Variants in GRIP1 observed in about 807,000 individuals in gnomAD.
GRIP1 encodes glutamate receptor interacting protein 1.
A neutral mutation model predicts 129.9 loss-of-function variants in GRIP1; 45 were observed. The ratio of observed to expected loss-of-function variants is 0.35; its 90% CI spans 0.27 to 0.44. GRIP1 has a LOEUF of 0.44. Ranked by LOEUF, GRIP1 falls within the 20% of genes least tolerant of loss-of-function variation. The pLI, the probability that GRIP1 is intolerant of heterozygous loss-of-function variation, is 1.00. For missense variants in GRIP1, 1,196 were observed against 1,396.8 expected, an observed-to-expected ratio of 0.86 and a Z score of 2.29; for synonymous variants, 530 against 520.8, an observed-to-expected ratio of 1.02 and a Z score of -0.24.
chr12:66,499,222 TC>T (rs1202139960), intron 7 of GRIP1, among the ~76,000 whole-genome samples: 2 of 152,210 alleles, frequency 1.3e-5, no homozygotes, highest in African/African-American at 4.8e-5. Flanking sequence ...TGTGGATTCT[TC>T]CATTCATCAA....
chr12:67,009,207 T>C (rs1252511479), intron 1 of GRIP1, among the ~76,000 whole-genome samples: 1 of 152,074 alleles, frequency 6.6e-6, no homozygotes, highest in Non-Finnish European at 1.5e-5. Context: ...CCCCTGGGAA[T>C]CAAGCAAAAA....
chr12:66,953,308 G>C (rs1197603768), intron 1 of GRIP1, among the ~76,000 whole-genome samples: 1 of 152,166 alleles, frequency 6.6e-6, no homozygotes, highest in Admixed American at 6.5e-5. Flanking sequence ...AACAGCTGGA[G>C]AGGCCAGAGG....
intron 2 of GRIP1, among the ~76,000 whole-genome samples, chr12:66,577,486 C>T (rs550193979): frequency 6.6e-6 from 1 of 152,230 alleles, no homozygotes; most frequent in Non-Finnish European, 1.5e-5. Flanking sequence ...AGTAAGAGCA[C>T]TCCGAGTTCC....
intron 1 of GRIP1, among the ~76,000 whole-genome samples, chr12:66,953,471 C>G (rs540754803): frequency 6.6e-6 from 1 of 152,284 alleles, no homozygotes; most frequent in African/African-American, 2.4e-5. Context: ...CATTTTAAGA[C>G]AAGGAAACTA....
rs554041256 is a variant in GRIP1, at chr12:66,656,367, GGCTTTATTGCAAAATCTAAATATCT to G, written c.55+22458_55+22482del. ...CCATTTTAAAAAAAAACAGATCCTG[GGCTTTATTGCAAAATCTAAATATCT>G]GACAACACCTGGCTTGTACTTCAGC... On this transcript the variant is annotated intron_variant, in intron 1 of 24. Coordinates refer to ENST00000359742, the MANE Select transcript of GRIP1 (RefSeq NM_001366722.1). 2.4e-4 allele frequency among the ~76,000 whole-genome samples: 37 copies of G among 152,042 alleles called. No homozygotes were observed. The East Asian group carries it at 6.2e-3, about 25-fold the overall frequency.
chr12:66,637,035 G>A (rs908463182), intron 1 of GRIP1, among the ~76,000 whole-genome samples: 6 of 152,136 alleles, frequency 3.9e-5, no homozygotes, highest in Admixed American at 3.3e-4. Context: ...GTCCAGCACA[G>A]CTGCACTGGT....
At chr12:66,685,130 T>C (rs1165925314) in intron 1 of GRIP1, among the ~76,000 whole-genome samples, 3 of 152,132 alleles carry the variant, frequency 2.0e-5, no homozygotes, top group Non-Finnish European at 1.5e-5. Flanking sequence ...ACAGGAGTTT[T>C]CTCCTACAGA....
chr12:66,515,493 T>C (rs1037163113), intron 7 of GRIP1, 126 bp downstream of exon 7: 4 of 879,706 alleles, frequency 4.5e-6, no homozygotes, highest in Non-Finnish European at 7.7e-6. Context: ...TAAAATGATA[T>C]AGTATTTATG....
At chr12:66,649,930 G>T (rs529915495) in intron 1 of GRIP1, among the ~76,000 whole-genome samples, 2 of 152,304 alleles carry the variant, frequency 1.3e-5, no homozygotes, top group African/African-American at 4.8e-5. Context: ...GTGTTTTAGG[G>T]CTAGCTATTG....
At chr12:66,714,121 G>C (rs143982425) in intron 1 of GRIP1, among the ~76,000 whole-genome samples, 1 of 151,882 alleles carries the variant, frequency 6.6e-6, no homozygotes, top group Non-Finnish European at 1.5e-5. Context: ...CCACAACTTG[G>C]TATTCTAAAC....
At chr12:66,527,845 G>T (rs1210997909) in intron 5 of GRIP1, among the ~76,000 whole-genome samples, 1 of 151,912 alleles carries the variant, frequency 6.6e-6, no homozygotes, top group Non-Finnish European at 1.5e-5. Context: ...GGAGGATGAG[G>T]ATTGAAAAAC....
intron 1 of GRIP1, among the ~76,000 whole-genome samples, chr12:66,634,802 G>C (rs1243059319): frequency 6.6e-6 from 1 of 152,198 alleles, no homozygotes; most frequent in Non-Finnish European, 1.5e-5. Flanking sequence ...TAGAACCCCT[G>C]CCTACGGGGT....
At chr12:66,715,011 T>C (rs925722955) in intron 1 of GRIP1, among the ~76,000 whole-genome samples, 12 of 152,008 alleles carry the variant, frequency 7.9e-5, no homozygotes, top group African/African-American at 2.9e-4. Flanking sequence ...TTGTACTCCA[T>C]AACACTCTCT....
intron 1 of GRIP1, among the ~76,000 whole-genome samples, chr12:66,885,085 A>T (rs985481652): frequency 1.3e-5 from 2 of 152,200 alleles, no homozygotes; most frequent in Non-Finnish European, 2.9e-5. Context: ...CCATTTCTCC[A>T]ATTAGCCTGG....
rs551107932 is a variant in GRIP1, at chr12:66,628,918, C to T, written c.56-31991G>A. 2.0e-5 allele frequency among the ~76,000 whole-genome samples: 3 copies of T among 152,254 alleles called. No homozygotes were observed. In the East Asian group the frequency reaches 5.8e-4, roughly 29 times the overall value. ...TTTTACCCCACCAAACTATGAATTC[C>T]AAAAGGGCAGGGACTAAGTCTGTTT... is the stretch of plus-strand genomic sequence containing the variant. On this transcript the variant is annotated intron_variant, in intron 1 of 24. Coordinates refer to ENST00000359742, the MANE Select transcript of GRIP1 (RefSeq NM_001366722.1).
At chr12:67,010,458 C>T (rs1292155529) in intron 1 of GRIP1, among the ~76,000 whole-genome samples, 1 of 152,134 alleles carries the variant, frequency 6.6e-6, no homozygotes, top group Non-Finnish European at 1.5e-5. Context: ...AGAAAACACA[C>T]TAGTCCCTTT....
intron 1 of GRIP1, among the ~76,000 whole-genome samples, chr12:66,748,795 G>A (rs1345713831): frequency 2.6e-5 from 4 of 152,052 alleles, no homozygotes; most frequent in African/African-American, 4.8e-5. Flanking sequence ...CAGATTCAAT[G>A]TTCTAATTTG....
Position 66,349,133 on chromosome 12 carries a change from C to T in GRIP1, c.3273G>A (p.Lys1091=). Residue 1091 remains lysine (K), a synonymous_variant, in exon 25 of 25, where the codon AAG becomes AAA. Transcript: ENST00000359742. Reference sequence around the variant, plus strand: ...CTGGTAGACTCTGTTGGTCTATAGACTTCTGTGAAGCCAGTGGGTTTCTAC... The same window carrying T: ...CTGGTAGACTCTGTTGGTCTATAGATTTCTGTGAAGCCAGTGGGTTTCTAC... ...VISRNPLASQ[K]SIDQQSLPGD... 1 of 1,614,038 alleles carries T rather than the reference C, an allele frequency of 6.2e-7. No homozygotes were observed. Among genetic ancestry groups the T allele is most frequent in the Non-Finnish European group, 8.5e-7 (1 of 1,179,894 alleles).
At chr12:66,506,887 C>G (rs78568097) in intron 7 of GRIP1, among the ~76,000 whole-genome samples, 69,184 of 151,018 alleles carry the variant, frequency 0.46, 16,005 homozygotes, top group African/African-American at 0.53. Context: ...CTTTTTTTTT[C>G]CTCTAAAAAA....
Sources: gnomAD v4.1 joint callset for allele counts (sites outside exome capture counted in the v4.1 genomes callset) on GRCh38, gnomAD v4.1.1 for gene constraint, MANE v1.5 for transcripts, NCBI Gene and HGNC (gene_info 2026-07-23, HGNC 2026-07-21) for gene names.